DNAH8: variants seen among roughly 807,000 people sequenced by gnomAD.
DNAH8 encodes axonemal beta dynein heavy chain 8.
A neutral mutation model predicts 562.1 loss-of-function variants in DNAH8; 382 were observed. The ratio of observed to expected loss-of-function variants is 0.68; its 90% CI spans 0.63 to 0.74. The LOEUF is 0.74. Among genes scored for constraint, DNAH8 ranks in the 30% least tolerant of loss-of-function variants. The pLI, the probability that DNAH8 is intolerant of heterozygous loss-of-function variation, is 0.00. For missense variants in DNAH8, 5,203 were observed against 5,620.4 expected (o/e 0.93, Z 2.37); for synonymous variants, 1,881 against 1,919.4 (o/e 0.98, Z 0.52).
chr6:38,944,687 A>C (rs957990145), intron 79 of DNAH8, among the ~76,000 whole-genome samples: 1 of 152,206 alleles, frequency 6.6e-6, no homozygotes, highest in Non-Finnish European at 1.5e-5. Context: ...TCAATGCTGT[A>C]ACTCATTCTC....
At chr6:38,919,495 G>T (rs1781540252) in intron 70 of DNAH8, among the ~76,000 whole-genome samples, 1 of 151,946 alleles carries the variant, frequency 6.6e-6, no homozygotes, top group African/African-American at 2.4e-5. Context: ...TCCCGAGTAG[G>T]CATAAATTAG....
chr6:38,784,012 T>C (rs1466863746), intron 17 of DNAH8, among the ~76,000 whole-genome samples: 1 of 152,156 alleles, frequency 6.6e-6, no homozygotes, highest in Non-Finnish European at 1.5e-5. Flanking sequence ...CCAGAACTCA[T>C]GTATTTTAGC....
At chr6:38,770,378 C>T (rs746316777) in intron 11 of DNAH8, 35 bp from the exon 12 acceptor site, 8 of 1,433,564 alleles carry the variant, frequency 5.6e-6, no homozygotes, top group East Asian at 2.3e-5. Context: ...AAATGTCTCA[C>T]TTTCTTTTCC....
At chr6:38,966,016 CA>C (rs1213298412) in intron 82 of DNAH8, among the ~76,000 whole-genome samples, 1 of 151,190 alleles carries the variant, frequency 6.6e-6, no homozygotes, top group Non-Finnish European at 1.5e-5. Context: ...AATATGCGAG[CA>C]AAAAAAGCCA....
chr6:38,877,023 A>G (rs1778069730), intron 53 of DNAH8, among the ~76,000 whole-genome samples: 1 of 152,220 alleles, frequency 6.6e-6, no homozygotes, highest in Non-Finnish European at 1.5e-5. Flanking sequence ...ATGCAAACTA[A>G]CAAAGGAATC....
chr6:38,817,418 C>T (rs923865078), intron 26 of DNAH8, among the ~76,000 whole-genome samples: 1 of 152,156 alleles, frequency 6.6e-6, no homozygotes, highest in African/African-American at 2.4e-5. Context: ...CCCTATGGCA[C>T]CTTTCTATGT....
chr6:38,726,256 C>A (rs914573851), intron 3 of DNAH8, among the ~76,000 whole-genome samples: 1 of 152,176 alleles, frequency 6.6e-6, no homozygotes, highest in African/African-American at 2.4e-5. Flanking sequence ...GGCATTGCGG[C>A]CTGATCACTG....
At chr6:38,800,213 AT>A (rs563384958) in intron 21 of DNAH8, among the ~76,000 whole-genome samples, 6,067 of 145,182 alleles carry the variant, frequency 0.042, 172 homozygotes, top group Non-Finnish European at 0.061. Context: ...ATAAGTGTCT[AT>A]TTTTTTTTTT....
chr6:38,722,953 T>C lies in DNAH8; in HGVS notation c.144T>C (p.Ser48=), dbSNP rs1403276671. The C allele has an allele frequency of 6.2e-7, 1 of 1,612,538 alleles. No homozygotes were observed. The highest frequency in any genetic ancestry group is 8.5e-7 in the Non-Finnish European group (1 of 1,179,738). ...TVEAPAEDGF[S]PSAEDAVSSV... is the part of the protein sequence containing the mutation. ...AGGCCCCGGCAGAAGATGGTTTCTC[T>C]CCTTCCGCAGAAGATGCTGTTTCTT... is the stretch of plus-strand genomic sequence containing the variant. Residue 48 remains serine (S), a synonymous_variant, in exon 2 of 93, where the codon TCT becomes TCC. Coordinates refer to ENST00000327475, the MANE Select transcript of DNAH8 (RefSeq NM_001206927.2).
intron 7 of DNAH8, 59 bp from the exon 8 acceptor site, chr6:38,741,652 C>T: frequency 7.1e-7 from 1 of 1,409,676 alleles, no homozygotes; most frequent in Non-Finnish European, 9.6e-7. Flanking sequence ...AAGATGCAAT[C>T]AGATTTTAAC....
intron 68 of DNAH8, among the ~76,000 whole-genome samples, chr6:38,916,653 G>C (rs921726723): frequency 1.3e-5 from 2 of 152,166 alleles, no homozygotes; most frequent in Admixed American, 6.5e-5. Flanking sequence ...AAAAGGAAGA[G>C]ATCACCGAAC....
At chr6:38,981,028 AGTGT>A (rs368543739) in intron 85 of DNAH8, among the ~76,000 whole-genome samples, 2,069 of 145,684 alleles carry the variant, frequency 0.014, 52 homozygotes, top group African/African-American at 0.047. Flanking sequence ...TGAAAACGGC[AGTGT>A]GTGTGTGTGT....
At position 38,803,318 on chromosome 6, in the gene DNAH8, T is replaced by G; in HGVS notation, c.3034+7T>G. The G allele has an allele frequency of 6.3e-7, 1 of 1,598,510 alleles. No homozygotes were observed. The highest frequency in any genetic ancestry group is 8.5e-7 in the Non-Finnish European group (1 of 1,172,362). ...AAAGTAGGAAAACAGTCAGGTAACT[T>G]TTCTCGTTACTGTGTTTGAATTACA... On this transcript the variant is annotated splice_region_variant and intron_variant, in intron 22 of 92. Transcript: ENST00000327475.
intron 41 of DNAH8, among the ~76,000 whole-genome samples, chr6:38,854,501 G>T (rs9349099): frequency 0.41 from 61,799 of 151,776 alleles, 13,778 homozygotes; most frequent in East Asian, 0.84. Flanking sequence ...GAAGGACAGA[G>T]ATATAATCAA....
intron 85 of DNAH8, among the ~76,000 whole-genome samples, chr6:38,981,412 A>G (rs1764027762): frequency 6.6e-6 from 1 of 152,112 alleles, no homozygotes; most frequent in Non-Finnish European, 1.5e-5. Flanking sequence ...GTCCAGTTTG[A>G]TTATTTATTG....
At chr6:38,887,552 A>G (rs1779025718) in intron 57 of DNAH8, among the ~76,000 whole-genome samples, 1 of 152,120 alleles carries the variant, frequency 6.6e-6, no homozygotes, top group African/African-American at 2.4e-5. Flanking sequence ...CAAAAAATTT[A>G]AAACATTAGC....
chr6:38,750,560 G>A lies in DNAH8; in HGVS notation c.1378G>A (p.Val460Met). 5 of 1,610,424 alleles carry A rather than the reference G, an allele frequency of 3.1e-6. No individual in the cohort carries two copies. The highest frequency in any genetic ancestry group is 4.2e-6 in the Non-Finnish European group (5 of 1,177,510). Reference protein sequence around the residue: ...NVRYLYTLEKVCQPLYNHDLV... With the variant: ...NVRYLYTLEKMCQPLYNHDLV... Reference sequence around the variant, plus strand: ...CAGATATTTGTATACTTTGGAAAAAGTGTGTCAACCTCTCTATAACCATGA... The same window carrying A: ...CAGATATTTGTATACTTTGGAAAAAATGTGTCAACCTCTCTATAACCATGA... Residue 460 changes from valine to methionine, a missense_variant, in exon 9 of 93, where the codon GTG becomes ATG. By Grantham distance (21) the Val-to-Met change is conservative. Transcript: ENST00000327475.
intron 88 of DNAH8, among the ~76,000 whole-genome samples, chr6:39,000,240 T>C (rs1765399548): frequency 6.6e-6 from 1 of 152,166 alleles, no homozygotes; most frequent in Non-Finnish European, 1.5e-5. Context: ...GCTGATGAGG[T>C]ACAATATGGT....
At position 38,741,719 on chromosome 6, in the gene DNAH8, T is replaced by C; in HGVS notation, c.1125T>C (p.Ile375=). Residue 375 remains isoleucine, a synonymous_variant, in exon 8 of 93, where the codon ATT becomes ATC. Transcript: ENST00000327475. ...VWYKQIEQVL[I]ESEQMRKEAG... ...AATTTTTTTGACTGCAGGTACTTATTGAGAGTGAGCAGATGAGAAAAGAAG... is the reference window on the plus strand; with the variant it reads ...AATTTTTTTGACTGCAGGTACTTATCGAGAGTGAGCAGATGAGAAAAGAAG... 1 of 1,608,862 alleles carries C rather than the reference T, an allele frequency of 6.2e-7. No individual in the cohort carries two copies. The highest frequency in any genetic ancestry group is 8.5e-7 in the Non-Finnish European group (1 of 1,178,302).
Sources: allele counts gnomAD v4.1 joint callset (sites outside exome capture counted in the v4.1 genomes callset), GRCh38; gene constraint gnomAD v4.1.1; transcripts MANE v1.5; gene names NCBI Gene and HGNC (gene_info 2026-07-23, HGNC 2026-07-21).